PCNX3: variants seen among roughly 807,000 people sequenced by gnomAD.
PCNX3 encodes the protein pecanex-like protein 3.
In PCNX3, 58 loss-of-function variants were observed where a neutral mutation model predicts 207.2. The ratio of observed to expected loss-of-function variants is 0.28; its 90% CI spans 0.23 to 0.35. The LOEUF (loss-of-function observed/expected upper bound fraction) is 0.35. Ranked by LOEUF, PCNX3 falls within the 10% of genes least tolerant of loss-of-function variation. The pLI, the probability that PCNX3 is intolerant of heterozygous loss-of-function variation, is 1.00. For missense variants in PCNX3, 2,410 were observed against 2,774.4 expected (o/e 0.87, Z 2.95); for synonymous variants, 1,337 against 1,183.5 (o/e 1.13, Z -2.66).
Position 65,636,875 on chromosome 11 carries a change from C to T in PCNX3, c.6002C>T (p.Ala2001Val), listed in dbSNP as rs950655535. ...SQDIPCLDSS[A>V]PESGTPMGAL... ...GACATTCCTTGCTTGGACAGCAGTGCCCCTGAGAGTGGCACACCTATGGGT... is the reference window on the plus strand; with the variant it reads ...GACATTCCTTGCTTGGACAGCAGTGTCCCTGAGAGTGGCACACCTATGGGT... The change falls in exon 35 of 35, where the codon GCC becomes GTC. Residue 2001 changes from alanine to valine, a missense_variant. Transcript: ENST00000355703. 6.4e-6 allele frequency: 10 copies of T among 1,552,286 alleles called. No homozygotes were observed. The highest frequency in any genetic ancestry group is 8.7e-6 in the Non-Finnish European group (10 of 1,147,676).
chr11:65,619,162 G>C, intron 6 of PCNX3, 95 bp downstream of exon 6: 1 of 1,039,380 alleles, frequency 9.6e-7, no homozygotes, highest in South Asian at 1.5e-5. Context: ...GTCAGTGTCA[G>C]CTCAGCCTCG....
At position 65,637,281 on chromosome 11, in the gene PCNX3, C is replaced by T. The variant is rs1330726120; in HGVS notation, c.*303C>T. 8 of 443,798 alleles carry T rather than the reference C, an allele frequency of 1.8e-5. No homozygotes were observed. The highest frequency in any genetic ancestry group is 3.3e-5 in the Non-Finnish European group (8 of 244,544). 27.5% of individuals were successfully genotyped at this position (443,798 alleles called of 1,614,324 possible). The stretch of plus-strand genomic sequence containing the variant: ...CCTGTGGCCAGGACCACCTCAGCCC[C>T]TGGGCCTGCACTGCCTGCAGGTGTG... On this transcript the variant is annotated 3_prime_UTR_variant, in exon 35 of 35. Coordinates refer to ENST00000355703, the MANE Select transcript of PCNX3 (RefSeq NM_032223.4).
At chr11:65,629,057 T>C (rs1855515877) in intron 24 of PCNX3, 109 bp downstream of exon 24, 3 of 1,466,422 alleles carry the variant, frequency 2.0e-6, no homozygotes, top group South Asian at 2.6e-5. Context: ...ATGGGAGGGC[T>C]TGGTCACAGT....
intron 22 of PCNX3, 40 bp from the exon 23 acceptor site, chr11:65,628,554 AC>A (rs1855494205): frequency 6.3e-7 from 1 of 1,585,088 alleles, no homozygotes; most frequent in African/African-American, 1.3e-5. Context: ...TCCATGAGTG[AC>A]CCTGCATGTC....
Position 65,628,604 on chromosome 11 carries a change from T to C in PCNX3, c.3712T>C (p.Leu1238=), listed in dbSNP as rs763511411. Residue 1238 remains leucine (L), a synonymous_variant, in exon 23 of 35, where the codon TTG becomes CTG. Transcript: ENST00000355703. ...MSLLCSKLWD[L]LYKLRFVLTY... is the part of the protein sequence containing the mutation. Reference sequence around the variant, plus strand: ...CTGTTGGCCCTGCCAGCTGTGGGACTTGCTGTACAAGCTGCGTTTCGTGCT... The same window carrying C: ...CTGTTGGCCCTGCCAGCTGTGGGACCTGCTGTACAAGCTGCGTTTCGTGCT... The C allele has an allele frequency of 3.2e-5, 51 of 1,613,318 alleles. No homozygotes were observed. The South Asian group carries it at 5.6e-4, about 18-fold the overall frequency.
In PCNX3 at chr11:65,616,462, A is replaced by T. The variant is rs776468401; in HGVS notation, c.151A>T (p.Met51Leu). Residue 51 changes from methionine to leucine, a missense_variant and splice_region_variant, in exon 1 of 35, where the codon ATG (methionine) becomes TTG (leucine). Met to Leu is a conservative substitution (Grantham distance 15). Around this residue, in one of 8 missense-constraint regions of PCNX3, gnomAD observed 1,104 missense variants for 970.3 expected, o/e 1.14. Transcript: ENST00000355703. ...FLLIFPFLLY[M>L]VLPPSLMVAG... is the part of the protein sequence containing the mutation. ...GCTCATCTTTCCCTTCTTACTGTACATGGTGAGACGCCACGGCCACCTGTA... is the reference window on the plus strand; with the variant it reads ...GCTCATCTTTCCCTTCTTACTGTACTTGGTGAGACGCCACGGCCACCTGTA... The T allele has an allele frequency of 1.9e-6, 3 of 1,603,544 alleles. No individual in the cohort carries two copies. The highest frequency in any genetic ancestry group is 2.5e-6 in the Non-Finnish European group (3 of 1,177,490).
chr11:65,625,748 T>G lies in PCNX3; in HGVS notation c.3228+4T>G, dbSNP rs770395862. ...CACCGTCTTTATTGCCCTGAAGGTT[T>G]GTGTGGCATGGGCCGCTGCTGCCTC... On this transcript the variant is annotated splice_donor_region_variant and intron_variant, in intron 19 of 34. Transcript: ENST00000355703. This position sits in a 1 kb window ranked among gnomAD's most constrained non-coding sequence, Gnocchi z 5.6. 6.2e-7 allele frequency: 1 copy of G among 1,608,036 alleles called. No individual in the cohort carries two copies. The highest frequency in any genetic ancestry group is 1.1e-5 in the South Asian group (1 of 90,810).
Position 65,617,474 on chromosome 11 carries a change from T to G in PCNX3, c.446T>G (p.Leu149Arg). The change falls in exon 4 of 35, where the codon CTG becomes CGG. Residue 149 changes from leucine to arginine, a missense_variant. Leu to Arg is a moderately radical substitution (Grantham distance 102). This residue lies in a region of PCNX3 where 1,104 missense variants were observed against 970.3 expected (regional missense o/e 1.14). Transcript: ENST00000355703. Reference protein sequence around the residue: ...SVFGFNQVSELLPRMEDSGPL... With the variant: ...SVFGFNQVSERLPRMEDSGPL... ...CATGGCTCTCTGTCTACTCAGGAGC[T>G]GCTGCCCCGAATGGAGGACTCTGGG... The G allele has an allele frequency of 6.2e-7, 1 of 1,613,968 alleles. No homozygotes were observed.
chr11:65,624,210 A>G lies in PCNX3; in HGVS notation c.2560A>G (p.Ile854Val). ...GACCCCTCAGGGCCACAACTGGGTG[A>G]TCGCGTACAGCCGTCCTGTCTACTT... ...ASPMHGHNWV[I>V]AYSRPVYFCI... is the part of the protein sequence containing the mutation. The change falls in exon 14 of 35, where the codon ATC (isoleucine) becomes GTC (valine). Residue 854 changes from isoleucine (I) to valine (V), a missense_variant. Transcript: ENST00000355703. 2 of 1,606,400 alleles carry G rather than the reference A, an allele frequency of 1.2e-6. No homozygotes were observed. Among genetic ancestry groups the G allele is most frequent in the Non-Finnish European group, 1.7e-6 (2 of 1,177,504 alleles).
chr11:65,634,892 C>G (rs1236691229), intron 29 of PCNX3, 81 bp from the exon 30 acceptor site: 14 of 1,505,902 alleles, frequency 9.3e-6, no homozygotes, highest in Admixed American at 4.0e-5. Flanking sequence ...TGAGGAAAGG[C>G]CTCTGCTTGG....
chr11:65,622,254 CTG>C lies in PCNX3; in HGVS notation c.2246_2247del (p.Leu749HisfsTer11). 6.2e-7 allele frequency: 1 copy of C among 1,604,554 alleles called. No individual in the cohort carries two copies. Among genetic ancestry groups the C allele is most frequent in the Non-Finnish European group, 8.5e-7 (1 of 1,176,088 alleles). On this transcript the variant is annotated frameshift_variant, in exon 11 of 35. Transcript: ENST00000355703. LOFTEE classifies it high-confidence loss of function. ...CCTGCACGAATCCCAGGAGCAGACACTGATGGAAGAAGCGCCACCCCGGGCCC... is the reference window on the plus strand; with the variant it reads ...CCTGCACGAATCCCAGGAGCAGACACATGGAAGAAGCGCCACCCCGGGCCC... Reference protein sequence around the residue: ...VPLEIPEEQTLMEEAPPRAQH... With the variant: ...VPLEIPEEQTXMEEAPPRAQH...
chr11:65,620,464 C>G, intron 9 of PCNX3, 35 bp downstream of exon 9: 1 of 1,599,774 alleles, frequency 6.3e-7, no homozygotes, highest in Non-Finnish European at 8.5e-7. Context: ...AAGCCATTGT[C>G]TTGGTGGCCT....
chr11:65,632,890 A>G (rs1426628868), intron 27 of PCNX3, among the ~76,000 whole-genome samples: 1 of 151,678 alleles, frequency 6.6e-6, no homozygotes, highest in Non-Finnish European at 1.5e-5. Flanking sequence ...GACTACAGGC[A>G]TGCACCACCA....
intron 27 of PCNX3, among the ~76,000 whole-genome samples, chr11:65,630,878 T>C (rs1485347014): frequency 6.6e-6 from 1 of 152,184 alleles, no homozygotes; most frequent in Non-Finnish European, 1.5e-5. Flanking sequence ...AGGCCAGCCT[T>C]TGAAACCACC....
In PCNX3 at chr11:65,629,793, T is replaced by C. The variant is rs1050391029; in HGVS notation, c.4216+58T>C. ...CACAGCTCGGGCCTGATGTGGGAGC[T>C]GTGTTCAATAGCACGTGCGAAGGAG... On this transcript the variant is annotated intron_variant, in intron 26 of 34. Transcript: ENST00000355703. The C allele has an allele frequency of 7.2e-5, 109 of 1,519,672 alleles. No homozygotes were observed. In the East Asian group the frequency reaches 2.5e-3, roughly 35 times the overall value. The allele number at this position is 1,519,672 out of a possible 1,614,324, so 94.1% of individuals were successfully genotyped here.
intron 27 of PCNX3, among the ~76,000 whole-genome samples, chr11:65,632,753 A>AT (rs1359418915): frequency 4.8e-5 from 7 of 145,726 alleles, no homozygotes; most frequent in Admixed American, 7.0e-5. Context: ...TCTTTTTTTT[A>AT]TTTTTTTTTG....
In PCNX3 at chr11:65,624,957, C is replaced by G; in HGVS notation, c.2860C>G (p.Leu954Val). ...ATSPLTAVFS[L>V]SRSLLAAALL... ...CAGCCCGCTCACGGCAGTCTTCAGC[C>G]TCTCCCGCAGCCTGCTGGCTGCTGC... The change falls in exon 16 of 35, where the codon CTC becomes GTC. Residue 954 changes from leucine (L) to valine (V), a missense_variant. Leu to Val is a conservative substitution (Grantham distance 32). Coordinates refer to ENST00000355703, the MANE Select transcript of PCNX3 (RefSeq NM_032223.4). 1 of 1,612,370 alleles carries G rather than the reference C, an allele frequency of 6.2e-7. No homozygotes were observed. The highest frequency in any genetic ancestry group is 8.5e-7 in the Non-Finnish European group (1 of 1,179,534).
At chr11:65,627,738 C>A (rs771842985) in intron 22 of PCNX3, among the ~76,000 whole-genome samples, 156 bp downstream of exon 22, 4 of 152,028 alleles carry the variant, frequency 2.6e-5, no homozygotes, top group Non-Finnish European at 5.9e-5. Flanking sequence ...GGGGTTACTT[C>A]CACCCTCTAC....
chr11:65,617,713 G>C lies in PCNX3; in HGVS notation c.577+7G>C. ...AGCTCGCAGGAGAAACTGAGTGCGT[G>C]GGCCTTATGGGGCCGAGGCTTGTGG... On this transcript the variant is annotated splice_region_variant and intron_variant, in intron 5 of 34. Transcript: ENST00000355703. The C allele has an allele frequency of 6.4e-7, 1 of 1,554,708 alleles. No homozygotes were observed. Among genetic ancestry groups the C allele is most frequent in the East Asian group, 2.4e-5 (1 of 41,302 alleles).
Sources: gnomAD v4.1 joint callset for allele counts (sites outside exome capture counted in the v4.1 genomes callset) on GRCh38, gnomAD v4.1.1 for gene constraint, gnomAD v4.1.1 regional missense constraint, Gnocchi (gnomAD v3.1) non-coding constraint, MANE v1.5 for transcripts, NCBI Gene and HGNC (gene_info 2026-07-23, HGNC 2026-07-21) for gene names.